Variants in YAP1 observed in about 807,000 individuals in gnomAD.
The protein encoded by YAP1 is transcriptional coactivator YAP1.
In YAP1, 5 loss-of-function variants were observed where a neutral mutation model predicts 56.9. The observed-to-expected ratio is 0.09, with a 90% CI of 0.05 to 0.18. The LOEUF (loss-of-function observed/expected upper bound fraction) is 0.18. Among genes scored for constraint, YAP1 ranks in the 10% least tolerant of loss-of-function variants. YAP1 has a pLI of 1.00. For missense variants in YAP1, 539 were observed against 651.8 expected, an observed-to-expected ratio of 0.83 and a Z score of 1.88; for synonymous variants, 265 against 248.1, an observed-to-expected ratio of 1.07 and a Z score of -0.64.
chr11:102,144,069 G>A (rs1945178841), intron 2 of YAP1, among the ~76,000 whole-genome samples: 1 of 152,206 alleles, frequency 6.6e-6, no homozygotes, highest in African/African-American at 2.4e-5. Context: ...AGAAGAGACA[G>A]GATGACCTCC....
intron 2 of YAP1, among the ~76,000 whole-genome samples, chr11:102,126,447 A>G (rs926750931): frequency 6.6e-6 from 1 of 152,164 alleles, no homozygotes; most frequent in Non-Finnish European, 1.5e-5. Context: ...GTGATAGTGA[A>G]TAAGTCTCAT....
chr11:102,199,077 T>G lies in YAP1; in HGVS notation c.803-6816T>G, dbSNP rs1948713467. On this transcript the variant is annotated intron_variant, in intron 4 of 8. Coordinates refer to ENST00000282441, the MANE Select transcript of YAP1 (RefSeq NM_001130145.3). Reference sequence around the variant, plus strand: ...TATAGGAATCATCAAAATATGGAATTCGTCTGTAGGAGTCAGAGTCTTTAG... The same window carrying G: ...TATAGGAATCATCAAAATATGGAATGCGTCTGTAGGAGTCAGAGTCTTTAG... Among the ~76,000 whole-genome samples the G allele has an allele frequency of 2.0e-5, 3 of 152,132 alleles. No homozygotes were observed. The South Asian group carries it at 6.2e-4, about 32-fold the overall frequency.
At chr11:102,159,179 C>CTT (rs1565213221) in intron 2 of YAP1, among the ~76,000 whole-genome samples, 1 of 152,114 alleles carries the variant, frequency 6.6e-6, no homozygotes, top group African/African-American at 2.4e-5. Flanking sequence ...CTGTCTCTCT[C>CTT]TGTTTGTTTG....
chr11:102,187,043 T>G (rs1662280543), intron 4 of YAP1, among the ~76,000 whole-genome samples: 1 of 152,102 alleles, frequency 6.6e-6, no homozygotes, highest in African/African-American at 2.4e-5. Flanking sequence ...TTTACAGGGT[T>G]TGACCTAACA....
intron 6 of YAP1, among the ~76,000 whole-genome samples, chr11:102,222,608 C>T (rs1949986588): frequency 6.6e-6 from 1 of 152,100 alleles, no homozygotes. Context: ...TGTTGGATGA[C>T]CCTGAAGAAA....
At chr11:102,119,422 T>C (rs1943513186) in intron 2 of YAP1, among the ~76,000 whole-genome samples, 1 of 152,098 alleles carries the variant, frequency 6.6e-6, no homozygotes, top group African/African-American at 2.4e-5. Context: ...AAGAACAGAC[T>C]GTCACTTGGT....
At chr11:102,121,085 C>G (rs952014464) in intron 2 of YAP1, among the ~76,000 whole-genome samples, 6 of 144,004 alleles carry the variant, frequency 4.2e-5, no homozygotes, top group African/African-American at 1.6e-4. Context: ...AGTTTCCTTT[C>G]CAAAGTTTCA....
At chr11:102,169,100 C>A (rs905683073) in intron 3 of YAP1, among the ~76,000 whole-genome samples, 2 of 152,174 alleles carry the variant, frequency 1.3e-5, no homozygotes, top group Non-Finnish European at 1.5e-5. Flanking sequence ...CATCTATTGT[C>A]CATGAAATCT....
chr11:102,171,898 G>A lies in YAP1; in HGVS notation c.688+9327G>A, dbSNP rs374480981. On this transcript the variant is annotated intron_variant, in intron 3 of 8. Coordinates refer to ENST00000282441, the MANE Select transcript of YAP1 (RefSeq NM_001130145.3). ...CTTTTTTTATATTACCATAAAAAAT[G>A]TTATGGCAGGACCAGGCGTGGTGGC... is the stretch of plus-strand genomic sequence containing the variant. Among the ~76,000 whole-genome samples the A allele has an allele frequency of 3.3e-5, 5 of 152,212 alleles. No homozygotes were observed. The East Asian group carries it at 9.6e-4, about 29-fold the overall frequency.
intron 3 of YAP1, among the ~76,000 whole-genome samples, chr11:102,182,401 T>A (rs750596487): frequency 2.0e-5 from 3 of 152,232 alleles, no homozygotes; most frequent in Non-Finnish European, 4.4e-5. Flanking sequence ...CCTTCCTGCA[T>A]CCTAACCCTA....
At chr11:102,179,044 A>G (rs1294104487) in intron 3 of YAP1, among the ~76,000 whole-genome samples, 1 of 84,304 alleles carries the variant, frequency 1.2e-5, no homozygotes, top group African/African-American at 4.5e-5. Context: ...GAGGTACCCC[A>G]CCCCCCACCC....
At chr11:102,224,937 G>A (rs1402632076) in intron 7 of YAP1, among the ~76,000 whole-genome samples, 1 of 152,004 alleles carries the variant, frequency 6.6e-6, no homozygotes, top group African/African-American at 2.4e-5. Context: ...TTAATCCCAG[G>A]GATAAAAATT....
intron 3 of YAP1, among the ~76,000 whole-genome samples, chr11:102,176,651 C>G (rs1042989662): frequency 7.2e-6 from 1 of 139,654 alleles, no homozygotes; most frequent in African/African-American, 2.6e-5. Flanking sequence ...GAGGCTGAGG[C>G]AGGAGAATCA....
intron 3 of YAP1, among the ~76,000 whole-genome samples, chr11:102,174,807 G>A (rs1045785650): frequency 1.3e-5 from 2 of 152,152 alleles, no homozygotes; most frequent in Non-Finnish European, 2.9e-5. Flanking sequence ...GCAGGCAAAT[G>A]ATTGGGGTAC....
intron 4 of YAP1, among the ~76,000 whole-genome samples, chr11:102,205,245 C>A (rs773123532): frequency 6.6e-6 from 1 of 151,848 alleles, no homozygotes; most frequent in Non-Finnish European, 1.5e-5. Context: ...CTTGTGGACT[C>A]AATTTGATAT....
chr11:102,186,388 G>T, intron 4 of YAP1: 2 of 344,086 alleles, frequency 5.8e-6, no homozygotes, highest in Non-Finnish European at 1.1e-5. Flanking sequence ...AGAATCACTT[G>T]TTCCTTTCAC....
intron 6 of YAP1, among the ~76,000 whole-genome samples, chr11:102,217,742 G>A (rs955613825): frequency 1.3e-5 from 2 of 151,992 alleles, no homozygotes; most frequent in Admixed American, 6.6e-5. Flanking sequence ...CCAGGTTGGA[G>A]TGCAATGGCG....
chr11:102,142,144 A>G (rs1239199181), intron 2 of YAP1, among the ~76,000 whole-genome samples: 1 of 152,144 alleles, frequency 6.6e-6, no homozygotes, highest in Non-Finnish European at 1.5e-5. Flanking sequence ...TTTCAGAAGG[A>G]TTTTTCTTAC....
intron 1 of YAP1, among the ~76,000 whole-genome samples, chr11:102,113,522 A>G (rs1449215934): frequency 6.6e-6 from 1 of 152,160 alleles, no homozygotes; most frequent in Non-Finnish European, 1.5e-5. Flanking sequence ...TCTACATACA[A>G]AGATATAGTT....
Sources: gnomAD v4.1 joint callset for allele counts (sites outside exome capture counted in the v4.1 genomes callset) on GRCh38, gnomAD v4.1.1 for gene constraint, MANE v1.5 for transcripts, NCBI Gene and HGNC (gene_info 2026-07-23, HGNC 2026-07-21) for gene names.